The following NR1D2 variants were observed in gnomAD, a reference collection of about 807,000 sequenced individuals.
The protein encoded by NR1D2 is V-erbA-related protein 1-related.
In NR1D2, 25 loss-of-function variants were observed where a neutral mutation model predicts 52.2. That is an observed-to-expected ratio of 0.48 (90% confidence interval 0.35 to 0.67). NR1D2 has a LOEUF of 0.67. Ranked by LOEUF, NR1D2 falls within the 30% of genes least tolerant of loss-of-function variation. The pLI is 0.01. For synonymous variants in NR1D2, 259 were observed against 230.1 expected (o/e 1.13, Z -1.14); for missense variants, 681 against 707.2 (o/e 0.96, Z 0.42).
chr3:23,970,394 ATC>A (rs1706555756), intron 7 of NR1D2, among the ~76,000 whole-genome samples: 1 of 152,150 alleles, frequency 6.6e-6, no homozygotes, highest in Non-Finnish European at 1.5e-5. Context: ...GTTTGATTTA[ATC>A]TGTTTTTGAA....
chr3:23,957,466 C>T (rs1291851879), intron 3 of NR1D2, among the ~76,000 whole-genome samples: 1 of 140,742 alleles, frequency 7.1e-6, no homozygotes, highest in Non-Finnish European at 1.5e-5. Context: ...CCTGTAATCC[C>T]AGCACTTTGG....
At chr3:23,967,023 CAATA>C (rs561047724) in intron 6 of NR1D2, among the ~76,000 whole-genome samples, 8 of 151,692 alleles carry the variant, frequency 5.3e-5, no homozygotes, top group African/African-American at 1.7e-4. Context: ...GACCCTGTCT[CAATA>C]AATAAATAAA....
chr3:23,962,415 A>G lies in NR1D2; in HGVS notation c.956A>G (p.Asn319Ser), dbSNP rs776460895. The G allele has an allele frequency of 1.3e-5, 21 of 1,614,184 alleles. No homozygotes were observed. Among genetic ancestry groups the G allele is most frequent in the Non-Finnish European group, 1.8e-5 (21 of 1,180,022 alleles). The change falls in exon 5 of 8, where the codon AAT (asparagine) becomes AGT (serine). Residue 319 changes from asparagine (N) to serine (S), a missense_variant. Around this residue, in one of 3 missense-constraint regions of NR1D2, gnomAD observed 475 missense variants for 454.5 expected, o/e 1.05. Transcript: ENST00000312521. ...TGTAGTGAGAGCCAGCAGCATCTCA[A>G]TGGACAGTTCAAAGGGAGGAATATA... is the stretch of plus-strand genomic sequence containing the variant. The part of the protein sequence containing the change: ...FPCSESQQHL[N>S]GQFKGRNIMH...
Position 23,977,275 on chromosome 3 carries a change from C to T in NR1D2, c.1596C>T (p.Leu532=). The T allele has an allele frequency of 6.2e-7, 1 of 1,611,200 alleles. No individual in the cohort carries two copies. The highest frequency in any genetic ancestry group is 8.5e-7 in the Non-Finnish European group (1 of 1,178,732). ...CTGTGGAGGCTTTGCAGGAAACTCT[C>T]ATTCGTGCACTAAGGACCTTAATAA... ...VNSVEALQET[L]IRALRTLIMK... Residue 532 remains leucine (L), a synonymous_variant, in exon 8 of 8, where the codon CTC becomes CTT. Coordinates refer to ENST00000312521, the MANE Select transcript of NR1D2 (RefSeq NM_005126.5).
intron 7 of NR1D2, 53 bp downstream of exon 7, chr3:23,968,076 G>A: frequency 1.4e-6 from 2 of 1,382,048 alleles, no homozygotes; most frequent in Non-Finnish European, 2.1e-6. Context: ...TGACCAACTG[G>A]GGAGAAGATG....
intron 1 of NR1D2, 137 bp downstream of exon 1, chr3:23,945,731 C>G: frequency 1.7e-6 from 1 of 595,438 alleles, no homozygotes; most frequent in Non-Finnish European, 2.3e-6. Flanking sequence ...GCGTGTCCGC[C>G]TCTGGCTCGG....
chr3:23,958,920 G>C (rs983613106), intron 3 of NR1D2, among the ~76,000 whole-genome samples: 1 of 152,198 alleles, frequency 6.6e-6, no homozygotes, highest in African/African-American at 2.4e-5. Flanking sequence ...CTGCACTCCA[G>C]CCCGGGCTAC....
At chr3:23,947,946 C>T (rs1434705565) in intron 1 of NR1D2, among the ~76,000 whole-genome samples, 1 of 152,036 alleles carries the variant, frequency 6.6e-6, no homozygotes, top group Non-Finnish European at 1.5e-5. Context: ...GGTGAAACCC[C>T]GTCTCTACTA....
intron 7 of NR1D2, 92 bp downstream of exon 7, chr3:23,968,115 T>C: frequency 3.1e-6 from 3 of 970,502 alleles, no homozygotes; most frequent in East Asian, 4.8e-5. Context: ...GAAAGTTATA[T>C]AGAGGGAATA....
chr3:23,977,526 A>C lies in NR1D2; in HGVS notation c.*107A>C, dbSNP rs1706764452. On this transcript the variant is annotated 3_prime_UTR_variant, in exon 8 of 8. Coordinates refer to ENST00000312521, the MANE Select transcript of NR1D2 (RefSeq NM_005126.5). ...TGGAGATAGAAAAGACCTTTAAGACAATAAAAGATTGTAGGCTATCTCTGT... is the reference window on the plus strand; with the variant it reads ...TGGAGATAGAAAAGACCTTTAAGACCATAAAAGATTGTAGGCTATCTCTGT... 7 of 665,510 alleles carry C rather than the reference A, an allele frequency of 1.1e-5. No individual in the cohort carries two copies. Among genetic ancestry groups the C allele is most frequent in the Non-Finnish European group, 1.4e-5 (6 of 425,152 alleles). 41.2% of individuals were successfully genotyped at this position (665,510 alleles called of 1,614,324 possible).
Position 23,962,302 on chromosome 3 carries a change from C to G in NR1D2, c.843C>G (p.Pro281=), listed in dbSNP as rs749507022. Residue 281 remains proline, a synonymous_variant, in exon 5 of 8, where the codon CCC becomes CCG. Transcript: ENST00000312521. ...QQENSAESMQ[P]QRGERIPKNM... The stretch of plus-strand genomic sequence containing the variant: ...AAAACTCAGCTGAGAGCATGCAGCC[C>G]CAGAGAGGAGAACGGATTCCCAAGA... 6.2e-7 allele frequency: 1 copy of G among 1,614,100 alleles called. No homozygotes were observed. The highest frequency in any genetic ancestry group is 8.5e-7 in the Non-Finnish European group (1 of 1,180,016).
chr3:23,972,927 G>C (rs567443261), intron 7 of NR1D2, among the ~76,000 whole-genome samples: 6 of 152,136 alleles, frequency 3.9e-5, no homozygotes, highest in Non-Finnish European at 8.8e-5. Flanking sequence ...TTTAGATATA[G>C]GCATCCATTT....
Position 23,973,196 on chromosome 3 carries a change from T to C in NR1D2, c.1544-4027T>C, listed in dbSNP as rs142543938. On this transcript the variant is annotated intron_variant, in intron 7 of 7. Transcript: ENST00000312521. Reference sequence around the variant, plus strand: ...TTTCGGTATTATAAATTACTAATCATATGATTGAAACCAGAGTCATGCGTC... The same window carrying C: ...TTTCGGTATTATAAATTACTAATCACATGATTGAAACCAGAGTCATGCGTC... Among the ~76,000 whole-genome samples the C allele has an allele frequency of 6.2e-4, 95 of 152,338 alleles. 1 individual carries two copies. The highest frequency in any genetic ancestry group is 2.2e-3 in the African/African-American group (93 of 41,578).
Position 23,977,826 on chromosome 3 carries a change from C to T in NR1D2, c.*407C>T, listed in dbSNP as rs1010176581. The T allele has an allele frequency of 3.3e-5, 5 of 153,436 alleles. No individual in the cohort carries two copies. Among genetic ancestry groups the T allele is most frequent in the African/African-American group, 1.2e-4 (5 of 41,468 alleles). The allele number at this position is 153,436 out of a possible 1,614,324, so 9.5% of individuals were successfully genotyped here. ...CTGTTGAATGATGGAAATCTTATTACTACCACAAGACTATTTGATCTGGTA... is the reference window on the plus strand; with the variant it reads ...CTGTTGAATGATGGAAATCTTATTATTACCACAAGACTATTTGATCTGGTA... On this transcript the variant is annotated 3_prime_UTR_variant, in exon 8 of 8. Coordinates refer to ENST00000312521, the MANE Select transcript of NR1D2 (RefSeq NM_005126.5).
At chr3:23,957,968 G>A (rs990235556) in intron 3 of NR1D2, among the ~76,000 whole-genome samples, 4 of 152,176 alleles carry the variant, frequency 2.6e-5, no homozygotes, top group Non-Finnish European at 5.9e-5. Context: ...GTGTTTAGTT[G>A]TCATATAAAA....
At chr3:23,967,730 A>G (rs1706487745) in intron 6 of NR1D2, 83 bp from the exon 7 acceptor site, 3 of 1,091,260 alleles carry the variant, frequency 2.7e-6, no homozygotes, top group East Asian at 2.5e-5. Flanking sequence ...GGGATGATTC[A>G]TAACTGACTT....
intron 7 of NR1D2, among the ~76,000 whole-genome samples, chr3:23,976,671 G>A (rs1706731604): frequency 1.3e-5 from 2 of 152,188 alleles, no homozygotes; most frequent in Non-Finnish European, 2.9e-5. Context: ...ACAGTTTCTT[G>A]TAAGCTAATC....
intron 7 of NR1D2, among the ~76,000 whole-genome samples, chr3:23,969,288 A>G (rs75074854): frequency 0.07 from 10,684 of 152,118 alleles, 492 homozygotes; most frequent in East Asian, 0.23. Context: ...ACTCCGTGTT[A>G]AAAAACAAAA....
intron 5 of NR1D2, 144 bp from the exon 6 acceptor site, chr3:23,964,833 G>C: frequency 1.7e-6 from 1 of 576,854 alleles, no homozygotes; most frequent in Non-Finnish European, 3.0e-6. Flanking sequence ...GCAGCAAATG[G>C]ATGAAGTGCT....
Sources: allele counts gnomAD v4.1 joint callset (sites outside exome capture counted in the v4.1 genomes callset), GRCh38; gene constraint gnomAD v4.1.1; regional missense constraint gnomAD v4.1.1; transcripts MANE v1.5; gene names NCBI Gene and HGNC (gene_info 2026-07-23, HGNC 2026-07-21).